Variants in TP63 observed in about 807,000 individuals in gnomAD.
TP63 encodes tumor protein 63.
A neutral mutation model predicts 82.8 loss-of-function variants in TP63; 17 were observed. The observed-to-expected ratio is 0.21, with a 90% CI of 0.14 to 0.31. The LOEUF is 0.31. Among genes scored for constraint, TP63 ranks in the 10% least tolerant of loss-of-function variants. The pLI is 1.00. For missense variants in TP63, 648 were observed against 895.3 expected, an observed-to-expected ratio of 0.72 and a Z score of 3.52; for synonymous variants, 330 against 321.7, an observed-to-expected ratio of 1.03 and a Z score of -0.28.
rs71175304 is a variant in TP63, at chr3:189,694,790, C to CTTTTTTTTTTTTTTTTTTTTTT, written c.63-42938_63-42917dup. 7.3e-4 allele frequency among the ~76,000 whole-genome samples: 24 copies of CTTTTTTTTTTTTTTTTTTTTTT among 32,756 alleles called. 7 individuals are homozygous for CTTTTTTTTTTTTTTTTTTTTTT. The highest frequency in any genetic ancestry group is 4.2e-3 in the South Asian group (2 of 476). 21.5% of individuals were successfully genotyped at this position (32,756 alleles called of 152,430 possible). On this transcript the variant is annotated intron_variant, in intron 1 of 13. Coordinates refer to ENST00000264731, the MANE Select transcript of TP63 (RefSeq NM_003722.5). Reference sequence around the variant, plus strand: ...TTGAAAGGAGGCCAGTATTTACAGCCTTTTTTTTTTTTTTTTTTTTTTTTT... The same window carrying CTTTTTTTTTTTTTTTTTTTTTT: ...TTGAAAGGAGGCCAGTATTTACAGCCTTTTTTTTTTTTTTTTTTTTTTTTTTTTTTTTTTTTTTTTTTTTTTT...
At chr3:189,858,092 A>G (rs1210300554) in intron 4 of TP63, among the ~76,000 whole-genome samples, 1 of 152,254 alleles carries the variant, frequency 6.6e-6, no homozygotes, top group East Asian at 1.9e-4. Flanking sequence ...GTGTCCATCA[A>G]AGGATAAATG....
intron 2 of TP63, 23 bp downstream of exon 2, chr3:189,737,891 A>G (rs1720710575): frequency 1.2e-6 from 2 of 1,613,524 alleles, no homozygotes; most frequent in Middle Eastern, 1.7e-4. Context: ...CAAGCAAGAA[A>G]TGTTTTGCTT....
intron 1 of TP63, among the ~76,000 whole-genome samples, chr3:189,648,166 G>A (rs1560083041): frequency 6.8e-6 from 1 of 146,978 alleles, no homozygotes; most frequent in Non-Finnish European, 1.5e-5. Context: ...TGGAAGAGGA[G>A]GAAAGTCTTT....
intron 4 of TP63, among the ~76,000 whole-genome samples, chr3:189,816,946 T>C (rs1483943152): frequency 6.6e-6 from 1 of 152,118 alleles, no homozygotes; most frequent in Non-Finnish European, 1.5e-5. Context: ...ATTCTGACTT[T>C]ACAGATAGAA....
At position 189,889,377 on chromosome 3, in the gene TP63, C is replaced by T; in HGVS notation, c.1545C>T (p.Asp515=). 6.2e-7 allele frequency: 1 copy of T among 1,614,156 alleles called. No individual in the cohort carries two copies. Among genetic ancestry groups the T allele is most frequent in the Non-Finnish European group, 8.5e-7 (1 of 1,180,016 alleles). ...MMGTHMPMAG[D]MNGLSPTQAL... ...GCACCCACATGCCAATGGCTGGAGA[C>T]ATGAATGGACTCAGCCCCACCCAGG... The change falls in exon 12 of 14, where the codon GAC becomes GAT. Residue 515 remains aspartate, a synonymous_variant. Coordinates refer to ENST00000264731, the MANE Select transcript of TP63 (RefSeq NM_003722.5).
chr3:189,889,967 C>T (rs1720848453), intron 12 of TP63, among the ~76,000 whole-genome samples: 1 of 152,112 alleles, frequency 6.6e-6, no homozygotes, highest in Non-Finnish European at 1.5e-5. Flanking sequence ...AAACTGATGG[C>T]CTTTACTACT....
chr3:189,724,711 C>T (rs1719642521), intron 1 of TP63, among the ~76,000 whole-genome samples: 1 of 152,172 alleles, frequency 6.6e-6, no homozygotes, highest in African/African-American at 2.4e-5. Flanking sequence ...ATTAAATGCA[C>T]CTGGGATTCA....
At chr3:189,807,793 G>A (rs952834812) in intron 3 of TP63, among the ~76,000 whole-genome samples, 4 of 152,120 alleles carry the variant, frequency 2.6e-5, no homozygotes, top group Admixed American at 6.6e-5. Flanking sequence ...GAGAAAATTC[G>A]AAGGTCATTT....
chr3:189,670,257 T>C (rs1022958323), intron 1 of TP63, among the ~76,000 whole-genome samples: 3 of 151,972 alleles, frequency 2.0e-5, no homozygotes, highest in Non-Finnish European at 2.9e-5. Flanking sequence ...TCACAGTAAT[T>C]GATAGAAAAA....
At chr3:189,625,548 G>A in the TP63 span, among the ~76,000 whole-genome samples, 2 of 152,102 alleles carry the variant, frequency 1.3e-5, no homozygotes, top group Non-Finnish European at 2.9e-5. Flanking sequence ...TGAATAAGCA[G>A]CGTAGAATAG....
At chr3:189,790,193 A>G (rs1724992553) in intron 3 of TP63, among the ~76,000 whole-genome samples, 1 of 152,082 alleles carries the variant, frequency 6.6e-6, no homozygotes, top group African/African-American at 2.4e-5. Flanking sequence ...ATGGGTATTC[A>G]TGTACCAGTA....
intron 1 of TP63, among the ~76,000 whole-genome samples, chr3:189,641,727 A>G (rs1411144956): frequency 6.6e-6 from 1 of 152,192 alleles, no homozygotes; most frequent in Non-Finnish European, 1.5e-5. Context: ...AGAATGTTAT[A>G]CAACCACCTT....
chr3:189,885,605 G>T (rs1720363544), intron 10 of TP63, among the ~76,000 whole-genome samples: 1 of 152,152 alleles, frequency 6.6e-6, no homozygotes, highest in African/African-American at 2.4e-5. Context: ...CAGTTGAGTT[G>T]GGAATATTAT....
At chr3:189,758,867 C>T (rs1308273175) in intron 3 of TP63, among the ~76,000 whole-genome samples, 1 of 152,190 alleles carries the variant, frequency 6.6e-6, no homozygotes, top group African/African-American at 2.4e-5. Context: ...TTTCTTCAAA[C>T]TAAGATCAGG....
chr3:189,671,776 A>G (rs781376871), intron 1 of TP63, among the ~76,000 whole-genome samples: 4 of 152,162 alleles, frequency 2.6e-5, no homozygotes, highest in Non-Finnish European at 4.4e-5. Context: ...TTTTAAGTGA[A>G]ATAAGTCAGA....
At chr3:189,703,611 T>C (rs1437208973) in intron 1 of TP63, among the ~76,000 whole-genome samples, 1 of 152,098 alleles carries the variant, frequency 6.6e-6, no homozygotes, top group Non-Finnish European at 1.5e-5. Flanking sequence ...CATTAGAACT[T>C]TAAATAAAAG....
intron 1 of TP63, among the ~76,000 whole-genome samples, chr3:189,661,127 A>AGT (rs1713843037): frequency 6.6e-6 from 1 of 151,980 alleles, no homozygotes. Flanking sequence ...AAGTAGTGAG[A>AGT]GTAAGCATCC....
intron 1 of TP63, among the ~76,000 whole-genome samples, chr3:189,709,063 T>A (rs1426293201): frequency 6.6e-6 from 1 of 152,224 alleles, no homozygotes; most frequent in Non-Finnish European, 1.5e-5. Flanking sequence ...TTTGCTGTTT[T>A]ATTTCATCAT....
At chr3:189,872,512 C>T (rs930631767) in intron 9 of TP63, among the ~76,000 whole-genome samples, 3 of 151,902 alleles carry the variant, frequency 2.0e-5, no homozygotes, top group African/African-American at 7.3e-5. Flanking sequence ...CCTTGAGGGT[C>T]TTTTAAATAA....
Sources: gnomAD v4.1 joint callset for allele counts (sites outside exome capture counted in the v4.1 genomes callset) on GRCh38, gnomAD v4.1.1 for gene constraint, MANE v1.5 for transcripts, NCBI Gene and HGNC (gene_info 2026-07-23, HGNC 2026-07-21) for gene names.